Variants in ST7L observed in about 807,000 individuals in gnomAD.
ST7L encodes the protein suppression of tumorigenicity 7 like, also known as suppressor of tumorigenicity 7 protein-like.
Under a neutral mutation model 72.5 loss-of-function variants are expected in ST7L, and 57 were observed. The observed-to-expected ratio is 0.79, with a 90% CI of 0.64 to 0.98. ST7L has a LOEUF of 0.98. Among genes scored for constraint, ST7L ranks in the 50% least tolerant of loss-of-function variants. ST7L has a pLI of 0.00. For missense variants in ST7L, 576 were observed against 672.2 expected, an observed-to-expected ratio of 0.86 and a Z score of 1.58; for synonymous variants, 221 against 240.9, an observed-to-expected ratio of 0.92 and a Z score of 0.77.
At chr1:112,566,087 T>C (rs1660971643) in intron 11 of ST7L, among the ~76,000 whole-genome samples, 1 of 152,020 alleles carries the variant, frequency 6.6e-6, no homozygotes, top group Non-Finnish European at 1.5e-5. Context: ...TCAGACACTG[T>C]GTTAAGCACT....
intron 1 of ST7L, chr1:112,617,163 C>A: frequency 4.6e-6 from 1 of 217,410 alleles, no homozygotes. Context: ...TTTTGCAAGT[C>A]TGTAAGAATA....
At chr1:112,551,373 C>T (rs575579013) in intron 12 of ST7L, among the ~76,000 whole-genome samples, 1 of 152,090 alleles carries the variant, frequency 6.6e-6, no homozygotes, top group Non-Finnish European at 1.5e-5. Context: ...TGGTCTCGAT[C>T]TCCTGACCTT....
At chr1:112,600,720 A>G in intron 4 of ST7L, 74 bp downstream of exon 4, 1 of 1,306,858 alleles carries the variant, frequency 7.7e-7, no homozygotes, top group Non-Finnish European at 1.1e-6. Flanking sequence ...ATATATTTAT[A>G]AAGACAAATG....
chr1:112,611,927 AC>A (rs1669115735), intron 2 of ST7L, among the ~76,000 whole-genome samples: 1 of 140,600 alleles, frequency 7.1e-6, no homozygotes, highest in Admixed American at 7.8e-5. Flanking sequence ...CTGAGATTGC[AC>A]CACTGCCCTC....
chr1:112,617,713 T>TCACACA (rs1236686850), intron 1 of ST7L, among the ~76,000 whole-genome samples: 1 of 93,352 alleles, frequency 1.1e-5, no homozygotes, highest in African/African-American at 3.9e-5. Context: ...TGTCTTTCTC[T>TCACACA]CTCTCACACA....
chr1:112,619,462 T>TA (rs1670485097), upstream of ST7L: 1 of 541,930 alleles, frequency 1.8e-6, no homozygotes, highest in Non-Finnish European at 3.3e-6. Context: ...GAGCAGCTCT[T>TA]AAAGCTTTGG....
In ST7L at chr1:112,582,054, A is replaced by G; in HGVS notation, c.1007T>C (p.Leu336Ser). 6.2e-7 allele frequency: 1 copy of G among 1,613,618 alleles called. No individual in the cohort carries two copies. The highest frequency in any genetic ancestry group is 8.5e-7 in the Non-Finnish European group (1 of 1,179,720). The stretch of plus-strand genomic sequence containing the variant: ...GGCCTGTAATTCTAAAAGTGATTCT[A>G]AGAGATTTTCATGGATGTTCAACAT... ...LTMLNIHENL[L>S]ESLLELQAYP... Residue 336 changes from leucine (L) to serine (S), a missense_variant, in exon 9 of 15, where the codon TTA becomes TCA. Transcript: ENST00000358039.
intron 3 of ST7L, chr1:112,610,357 T>C (rs1668887163): frequency 6.6e-6 from 1 of 152,624 alleles, no homozygotes; most frequent in Non-Finnish European, 1.5e-5. Context: ...ATGATTATTG[T>C]TTTCCATACT....
At chr1:112,580,174 G>A (rs1421057258) in intron 9 of ST7L, among the ~76,000 whole-genome samples, 1 of 151,954 alleles carries the variant, frequency 6.6e-6, no homozygotes, top group Non-Finnish European at 1.5e-5. Flanking sequence ...TGTGAGATAG[G>A]GTCTCACTCT....
chr1:112,574,430 C>T (rs546981747), intron 11 of ST7L, among the ~76,000 whole-genome samples: 157 of 151,652 alleles, frequency 1.0e-3, no homozygotes, highest in Admixed American at 1.6e-3. Flanking sequence ...GAGGCCAAGG[C>T]GGGCGGATCA....
intron 11 of ST7L, among the ~76,000 whole-genome samples, chr1:112,568,863 T>TATATATATAA (rs1661553365): frequency 1.2e-5 from 1 of 83,316 alleles, no homozygotes; most frequent in African/African-American, 3.9e-5. Flanking sequence ...TAAATATAAA[T>TATATATATAA]ATATATATAT....
chr1:112,618,857 C>T, intron 1 of ST7L, 52 bp downstream of exon 1: 5 of 1,540,628 alleles, frequency 3.2e-6, no homozygotes, highest in Non-Finnish European at 4.4e-6. Context: ...GCTCTTGCCC[C>T]CGACATCTCT....
intron 6 of ST7L, among the ~76,000 whole-genome samples, chr1:112,587,988 G>A (rs771471043): frequency 1.3e-5 from 2 of 152,110 alleles, no homozygotes; most frequent in African/African-American, 2.4e-5. Flanking sequence ...ATGCTTTATA[G>A]TTTTCAGCAT....
chr1:112,597,735 C>A (rs1441556602), intron 5 of ST7L, among the ~76,000 whole-genome samples: 1 of 152,018 alleles, frequency 6.6e-6, no homozygotes, highest in Non-Finnish European at 1.5e-5. Context: ...TATATTTGAT[C>A]TGAAAGGTTT....
chr1:112,577,125 TA>T (rs35465361), intron 10 of ST7L, 37 bp from the exon 11 acceptor site: 83 of 1,320,268 alleles, frequency 6.3e-5, no homozygotes, highest in African/African-American at 1.6e-4. Context: ...ATAAATATGC[TA>T]AAAAAAAGAA....
At position 112,619,014 on chromosome 1, in the gene ST7L, G is replaced by A. The variant is rs1223734440; in HGVS notation, c.100C>T (p.Arg34Trp). Residue 34 changes from arginine (R) to tryptophan (W), a missense_variant, in exon 1 of 15, where the codon CGG becomes TGG. This residue lies in a region of ST7L where 56 missense variants were observed against 45.8 expected (regional missense o/e 1.22). Coordinates refer to ENST00000358039, the MANE Select transcript of ST7L (RefSeq NM_017744.5). ...GCCCCAGTCCCCGCCAGCCCGGCCCGCAGTCGCTCCCTCCAGCCTAGCGTC... is the reference window on the plus strand; with the variant it reads ...GCCCCAGTCCCCGCCAGCCCGGCCCACAGTCGCTCCCTCCAGCCTAGCGTC... ...NPTLGWRERL[R>W]AGLAGTGASL... The A allele has an allele frequency of 1.9e-6, 3 of 1,613,332 alleles. No individual in the cohort carries two copies. Among genetic ancestry groups the A allele is most frequent in the Non-Finnish European group, 2.5e-6 (3 of 1,179,766 alleles).
intron 13 of ST7L, among the ~76,000 whole-genome samples, chr1:112,548,047 AC>A (rs1244053314): frequency 7.2e-5 from 11 of 152,176 alleles, no homozygotes; most frequent in African/African-American, 2.7e-4. Context: ...TTTTATGGTA[AC>A]CATTATAAGA....
chr1:112,582,351 T>C (rs200411212), intron 8 of ST7L, 24 bp downstream of exon 8: 54 of 1,498,024 alleles, frequency 3.6e-5, no homozygotes, highest in South Asian at 2.6e-4. Context: ...ATAAATGTAA[T>C]AGTCCCATCA....
At position 112,596,599 on chromosome 1, in the gene ST7L, A is replaced by C. The variant is rs560824694; in HGVS notation, c.622+1372T>G. ...GCAAGTATTAGCTATTATTAGTGAA[A>C]TTGCTTAGACATCTGTGACATCTAG... On this transcript the variant is annotated intron_variant, in intron 5 of 14. Coordinates refer to ENST00000358039, the MANE Select transcript of ST7L (RefSeq NM_017744.5). Among the ~76,000 whole-genome samples, 17 of 152,228 alleles carry C rather than the reference A, an allele frequency of 1.1e-4. No individual in the cohort carries two copies. The East Asian group carries it at 2.9e-3, about 26-fold the overall frequency.
Sources: allele counts gnomAD v4.1 joint callset (sites outside exome capture counted in the v4.1 genomes callset), GRCh38; gene constraint gnomAD v4.1.1; regional missense constraint gnomAD v4.1.1; transcripts MANE v1.5; gene names NCBI Gene and HGNC (gene_info 2026-07-23, HGNC 2026-07-21).